FER: variants seen among roughly 807,000 people sequenced by gnomAD.
FER encodes the protein FER tyrosine kinase.
A neutral mutation model predicts 111.0 loss-of-function variants in FER; 63 were observed. The observed-to-expected ratio is 0.57, with a 90% CI of 0.46 to 0.70. The LOEUF (loss-of-function observed/expected upper bound fraction) is 0.70. Ranked by LOEUF, FER falls within the 30% of genes least tolerant of loss-of-function variation. The probability of loss-of-function intolerance (pLI) is 0.00; values close to 1 mark genes in which losing one functional copy is unlikely to be tolerated. For missense variants in FER, 914 were observed against 954.0 expected (o/e 0.96, Z 0.55); for synonymous variants, 327 against 313.9 (o/e 1.04, Z -0.44).
At chr5:108,802,648 A>G (rs1336812538) in intron 3 of FER, among the ~76,000 whole-genome samples, 1 of 152,048 alleles carries the variant, frequency 6.6e-6, no homozygotes, top group East Asian at 1.9e-4. Flanking sequence ...GCTTAGGATA[A>G]TGGCCTCCAG....
chr5:108,929,265 A>C (rs1754226109), intron 10 of FER, among the ~76,000 whole-genome samples: 2 of 152,132 alleles, frequency 1.3e-5, no homozygotes, highest in Admixed American at 1.3e-4. Context: ...TCTCTTTGCC[A>C]ATCATTTTTT....
chr5:108,819,921 G>A (rs1197492491), intron 3 of FER: 5 of 985,262 alleles, frequency 5.1e-6, no homozygotes, highest in Middle Eastern at 5.2e-4. Context: ...TTGGGTTGGA[G>A]GAGGAAAGAG....
At chr5:109,090,470 A>G (rs942248335) in intron 16 of FER, among the ~76,000 whole-genome samples, 4 of 152,180 alleles carry the variant, frequency 2.6e-5, no homozygotes, top group African/African-American at 9.7e-5. Flanking sequence ...TGGCCCAATC[A>G]AAGGAGCAAA....
intron 13 of FER, among the ~76,000 whole-genome samples, chr5:109,036,073 A>G (rs1770352387): frequency 6.6e-6 from 1 of 152,152 alleles, no homozygotes; most frequent in African/African-American, 2.4e-5. Flanking sequence ...GAAATTCAGT[A>G]TTGCAAAAAT....
At chr5:108,931,422 T>C (rs1014179577) in intron 10 of FER, among the ~76,000 whole-genome samples, 4 of 152,208 alleles carry the variant, frequency 2.6e-5, no homozygotes, top group Non-Finnish European at 2.9e-5. Context: ...ATTTCTGAAA[T>C]GTAGATCCAA....
Position 109,158,519 on chromosome 5 carries a change from TCTC to T in FER, c.2049-22225_2049-22223del, listed in dbSNP as rs769960850. Among the ~76,000 whole-genome samples the T allele has an allele frequency of 8.5e-5, 13 of 152,274 alleles. No individual in the cohort carries two copies. In the East Asian group the frequency reaches 9.6e-4, roughly 11 times the overall value. ...ATGCTTCACTTAAGAATACCAATCTTCTCCTAGAATTATAGCCTCCATTTTGTC... is the reference window on the plus strand; with the variant it reads ...ATGCTTCACTTAAGAATACCAATCTTCTAGAATTATAGCCTCCATTTTGTC... On this transcript the variant is annotated intron_variant, in intron 17 of 19. Transcript: ENST00000281092.
rs567061978 is a variant in FER at position 108,995,050 on chromosome 5, C to T, written c.1656+35703C>T. ...TTTTCTAGATGTAGGATCTCGTCAT[C>T]TGCAAACAGAGGTAGTTTGACTTCC... On this transcript the variant is annotated intron_variant, in intron 13 of 19. Coordinates refer to ENST00000281092, the MANE Select transcript of FER (RefSeq NM_005246.4). Among the ~76,000 whole-genome samples the T allele has an allele frequency of 3.3e-5, 5 of 152,248 alleles. No individual in the cohort carries two copies. The South Asian group carries it at 1.0e-3, about 32-fold the overall frequency.
intron 13 of FER, among the ~76,000 whole-genome samples, chr5:108,974,401 G>A (rs374176999): frequency 6.6e-6 from 1 of 152,166 alleles, no homozygotes; most frequent in South Asian, 2.1e-4. Flanking sequence ...CAGAGGAGGT[G>A]CATCTGATCT....
intron 8 of FER, among the ~76,000 whole-genome samples, chr5:108,878,459 A>T (rs1581014721): frequency 2.0e-5 from 3 of 152,146 alleles, no homozygotes; most frequent in Non-Finnish European, 4.4e-5. Flanking sequence ...GAATTATTTT[A>T]TGCATATTCC....
intron 1 of FER, among the ~76,000 whole-genome samples, chr5:108,751,823 A>G (rs1234819885): frequency 6.6e-6 from 1 of 152,136 alleles, no homozygotes; most frequent in Non-Finnish European, 1.5e-5. Context: ...AATTTATAGT[A>G]AAGGAATAAG....
chr5:108,760,232 G>A (rs530879874), intron 1 of FER, among the ~76,000 whole-genome samples: 2 of 149,424 alleles, frequency 1.3e-5, no homozygotes, highest in Non-Finnish European at 3.0e-5. Flanking sequence ...GCTGTAAACA[G>A]ATGTGCTGTC....
intron 17 of FER, among the ~76,000 whole-genome samples, chr5:109,168,917 A>G (rs369359430): frequency 2.0e-5 from 3 of 152,210 alleles, no homozygotes; most frequent in East Asian, 3.8e-4. Context: ...GGCATGATAA[A>G]TTTTACATTT....
At chr5:109,113,824 T>C (rs1382441011) in intron 17 of FER, among the ~76,000 whole-genome samples, 1 of 152,176 alleles carries the variant, frequency 6.6e-6, no homozygotes, top group African/African-American at 2.4e-5. Context: ...GATAATGATA[T>C]TTAGTGGAAA....
chr5:109,038,014 A>C (rs116345977), intron 14 of FER, among the ~76,000 whole-genome samples: 2,304 of 151,996 alleles, frequency 0.015, 49 homozygotes, highest in African/African-American at 0.053. Context: ...TAGTTCTATT[A>C]ATCAGAAAAA....
At chr5:109,066,224 GTGGT>G (rs1284329721) in intron 16 of FER, among the ~76,000 whole-genome samples, 1 of 152,246 alleles carries the variant, frequency 6.6e-6, no homozygotes, top group East Asian at 1.9e-4. Context: ...CTACCAGCAA[GTGGT>G]TGAATCTCTG....
chr5:109,102,022 A>G lies in FER; in HGVS notation c.2048+1503A>G, dbSNP rs987624350. ...TCTTCTTTAATTTCTGGGACATTGCATTTGAGAGGACCATTGTTTCAATCT... is the reference window on the plus strand; with the variant it reads ...TCTTCTTTAATTTCTGGGACATTGCGTTTGAGAGGACCATTGTTTCAATCT... On this transcript the variant is annotated intron_variant, in intron 17 of 19. Transcript: ENST00000281092. Among the ~76,000 whole-genome samples, 3 of 152,166 alleles carry G rather than the reference A, an allele frequency of 2.0e-5. No homozygotes were observed. The East Asian group carries it at 5.8e-4, about 29-fold the overall frequency.
chr5:108,871,956 A>G (rs1334959879), intron 7 of FER, 137 bp from the exon 8 acceptor site: 9 of 849,070 alleles, frequency 1.1e-5, no homozygotes, highest in Non-Finnish European at 1.6e-5. Flanking sequence ...CCCAGGATTT[A>G]GTTTGATTTA....
intron 3 of FER, chr5:108,820,182 G>A (rs1758699228): frequency 1.0e-6 from 1 of 985,236 alleles, no homozygotes; most frequent in Non-Finnish European, 1.2e-6. Context: ...CTCTACTAGA[G>A]CTGGATCAAC....
chr5:108,931,343 C>T (rs1458674139), intron 10 of FER, among the ~76,000 whole-genome samples: 1 of 151,342 alleles, frequency 6.6e-6, no homozygotes, highest in Non-Finnish European at 1.5e-5. Flanking sequence ...GTGTATTTTA[C>T]AATAAAAAAA....
Sources: gnomAD v4.1 joint callset for allele counts (sites outside exome capture counted in the v4.1 genomes callset) on GRCh38, gnomAD v4.1.1 for gene constraint, MANE v1.5 for transcripts, NCBI Gene and HGNC (gene_info 2026-07-23, HGNC 2026-07-21) for gene names.